ACTN1: variants seen among roughly 807,000 people sequenced by gnomAD.
The protein encoded by ACTN1 is actinin alpha 1.
Under a neutral mutation model 119.6 loss-of-function variants are expected in ACTN1, and 30 were observed. That is an observed-to-expected ratio of 0.25 (90% CI 0.19 to 0.34). The LOEUF (loss-of-function observed/expected upper bound fraction) is 0.34. Ranked by LOEUF, ACTN1 falls within the 10% of genes least tolerant of loss-of-function variation. ACTN1 has a pLI of 1.00. For synonymous variants in ACTN1, 429 were observed against 472.6 expected, an observed-to-expected ratio of 0.91 and a Z score of 1.20; for missense variants, 764 against 1,223.4, an observed-to-expected ratio of 0.62 and a Z score of 5.60.
intron 4 of ACTN1, among the ~76,000 whole-genome samples, chr14:68,910,249 T>C (rs2033926118): frequency 6.6e-6 from 1 of 152,252 alleles, no homozygotes; most frequent in South Asian, 2.1e-4. Context: ...TGTTCAGAGC[T>C]AGTCGTGTTA....
At chr14:68,911,809 G>C (rs1364260491) in intron 4 of ACTN1, among the ~76,000 whole-genome samples, 2 of 152,172 alleles carry the variant, frequency 1.3e-5, no homozygotes, top group East Asian at 1.9e-4. Flanking sequence ...TGGAGGACGG[G>C]GTTAGCGCCC....
At position 68,904,711 on chromosome 14, in the gene ACTN1, G is replaced by A. The variant is rs759486581; in HGVS notation, c.620C>T (p.Thr207Met). The A allele has an allele frequency of 9.3e-6, 15 of 1,613,858 alleles. No homozygotes were observed. Among genetic ancestry groups the A allele is most frequent in the East Asian group, 2.2e-5 (1 of 44,888 alleles). ...RKDDPLTNLN[T>M]AFDVAEKYLD... ...GTACTTCTCTGCCACGTCAAAAGCC[G>A]TATTCAGATTTGTGAGTGGATCATC... The change falls in exon 7 of 22, where the codon ACG becomes ATG. Residue 207 changes from threonine to methionine, a missense_variant. Around this residue, in one of 4 missense-constraint regions of ACTN1, gnomAD observed 544 missense variants for 912.0 expected, o/e 0.60. Transcript: ENST00000394419.
intron 7 of ACTN1, 111 bp from the exon 8 acceptor site, chr14:68,902,673 G>A (rs2033416810): frequency 1.1e-6 from 1 of 875,592 alleles, no homozygotes; most frequent in Admixed American, 2.3e-5. Flanking sequence ...GCCAAAATGT[G>A]GAGCCCGAAT....
chr14:68,936,542 C>T (rs1442762898), intron 1 of ACTN1: 2 of 416,278 alleles, frequency 4.8e-6, no homozygotes, highest in South Asian at 2.4e-5. Flanking sequence ...AACAGTCTGT[C>T]TAGGGGGTGG....
At chr14:68,978,808 C>A in intron 1 of ACTN1, 144 bp downstream of exon 1, 1 of 498,746 alleles carries the variant, frequency 2.0e-6, no homozygotes, top group Non-Finnish European at 3.4e-6. Context: ...AACACCCCAC[C>A]TCGCAACGGC....
At chr14:68,894,995 G>A (rs1216788406) in intron 8 of ACTN1, among the ~76,000 whole-genome samples, 1 of 151,648 alleles carries the variant, frequency 6.6e-6, no homozygotes, top group Admixed American at 6.6e-5. Flanking sequence ...CAAATCATGT[G>A]CTTTGTGGAT....
chr14:68,921,353 G>T (rs1359295794), intron 2 of ACTN1: 2 of 457,034 alleles, frequency 4.4e-6, no homozygotes, highest in Non-Finnish European at 7.5e-6. Context: ...TTCTCAGGTC[G>T]AAATCTGCTT....
chr14:68,947,205 A>G (rs947191927), intron 1 of ACTN1, among the ~76,000 whole-genome samples: 1 of 152,262 alleles, frequency 6.6e-6, no homozygotes. Flanking sequence ...CAAGTACTCC[A>G]TGTGAATCCT....
Position 68,885,692 on chromosome 14 carries a change from GC to G in ACTN1, c.1235-118del. 1 of 1,237,470 alleles carries G rather than the reference GC, an allele frequency of 8.1e-7. No individual in the cohort carries two copies. Among genetic ancestry groups the G allele is most frequent in the Non-Finnish European group, 1.1e-6 (1 of 897,832 alleles). 76.7% of individuals were successfully genotyped at this position (1,237,470 alleles called of 1,614,324 possible). A position where few individuals can be genotyped will look rare whatever the true frequency, so the allele number is the denominator to read the frequency against. ...TTCTGGGGGTGCTTCTCAAGGAGGT[GC>G]CCATTGTGCAGGGATCTGCAGGGTG... On this transcript the variant is annotated intron_variant, in intron 11 of 21. Transcript: ENST00000394419. The surrounding 1 kb of genome is among the most constrained non-coding windows in gnomAD (Gnocchi z 5.6).
chr14:68,978,001 C>G (rs1271344284), intron 1 of ACTN1: 2 of 456,256 alleles, frequency 4.4e-6, no homozygotes, highest in Non-Finnish European at 4.4e-6. Flanking sequence ...CCCACCACCA[C>G]GAGTGGTTTC....
chr14:68,950,477 T>TATATATATATATATATATATATATAA (rs1349794768), intron 1 of ACTN1, among the ~76,000 whole-genome samples: 3 of 144,798 alleles, frequency 2.1e-5, no homozygotes, highest in African/African-American at 8.6e-5. Flanking sequence ...TATATATATA[T>TATATATATATATATATATATATATAA]AAATCAAACA....
In ACTN1 at chr14:68,885,622, T is replaced by C; in HGVS notation, c.1235-47A>G. On this transcript the variant is annotated intron_variant, in intron 11 of 21. Coordinates refer to ENST00000394419, the MANE Select transcript of ACTN1 (RefSeq NM_001130004.2). This position sits in a 1 kb window ranked among gnomAD's most constrained non-coding sequence, Gnocchi z 5.6. ...TGGCTGAGCTGGAGTGAGAAGCATC[T>C]CCTTGGTCCCAACCGCCCACCCCTC... The C allele has an allele frequency of 1.3e-6, 2 of 1,594,776 alleles. No individual in the cohort carries two copies. Among genetic ancestry groups the C allele is most frequent in the Non-Finnish European group, 1.7e-6 (2 of 1,172,734 alleles).
intron 8 of ACTN1, among the ~76,000 whole-genome samples, chr14:68,898,378 C>G (rs1407598348): frequency 6.6e-6 from 1 of 152,228 alleles, no homozygotes; most frequent in East Asian, 1.9e-4. Context: ...AATCAGTACA[C>G]AGACTTATTA....
In ACTN1 at chr14:68,900,137, G is replaced by A. The variant is rs187951763; in HGVS notation, c.762+2340C>T. On this transcript the variant is annotated intron_variant, in intron 8 of 21. Transcript: ENST00000394419. ...AAGGAAGTTCCGGAGGGTCTTGGGT[G>A]CCCAACCAGGCAGGGAACAGGGCTG... is the stretch of plus-strand genomic sequence containing the variant. Among the ~76,000 whole-genome samples, 4 of 152,254 alleles carry A rather than the reference G, an allele frequency of 2.6e-5. No individual in the cohort carries two copies. In the East Asian group the frequency reaches 5.8e-4, roughly 22 times the overall value.
intron 1 of ACTN1, among the ~76,000 whole-genome samples, chr14:68,960,747 T>C (rs1051784301): frequency 9.5e-6 from 1 of 104,926 alleles, no homozygotes; most frequent in Non-Finnish European, 2.0e-5. Context: ...CCTATCTCTA[T>C]TAAAAAAAAA....
intron 8 of ACTN1, among the ~76,000 whole-genome samples, chr14:68,895,443 G>C (rs2032802352): frequency 6.6e-6 from 1 of 152,122 alleles, no homozygotes. Flanking sequence ...AAAGCAAGTG[G>C]GGCCATGGGA....
intron 2 of ACTN1, 59 bp from the exon 3 acceptor site, chr14:68,921,184 C>A: frequency 3.1e-6 from 5 of 1,594,994 alleles, no homozygotes; most frequent in Non-Finnish European, 4.3e-6. Context: ...GGGGCCAGAG[C>A]TACTACCACT....
At chr14:68,942,839 T>A (rs61981589) in intron 1 of ACTN1, among the ~76,000 whole-genome samples, 41,357 of 151,944 alleles carry the variant, frequency 0.27, 5,766 homozygotes, top group Admixed American at 0.32. Context: ...GCCTCATTTG[T>A]GTCAGCAGGA....
chr14:68,934,312 C>T (rs2035379155), intron 1 of ACTN1, among the ~76,000 whole-genome samples: 1 of 152,240 alleles, frequency 6.6e-6, no homozygotes, highest in South Asian at 2.1e-4. Flanking sequence ...TAAGGGGCAG[C>T]GGGCGCGCCT....
Sources: gnomAD v4.1 joint callset for allele counts (sites outside exome capture counted in the v4.1 genomes callset) on GRCh38, gnomAD v4.1.1 for gene constraint, gnomAD v4.1.1 regional missense constraint, Gnocchi (gnomAD v3.1) non-coding constraint, MANE v1.5 for transcripts, NCBI Gene and HGNC (gene_info 2026-07-23, HGNC 2026-07-21) for gene names.